MYH7B: variants seen among roughly 807,000 people sequenced by gnomAD.
The protein encoded by MYH7B is myosin heavy chain 7B.
MYH7B carries 205 observed loss-of-function variants against 234.5 expected under a neutral mutation model. The ratio of observed to expected loss-of-function variants is 0.87; its 90% CI spans 0.78 to 0.98. MYH7B has a LOEUF of 0.98. MYH7B is among the 50% of genes least tolerant of loss of function. The pLI is 0.00. For synonymous variants in MYH7B, 1,193 were observed against 1,105.0 expected, an observed-to-expected ratio of 1.08 and a Z score of -1.58; for missense variants, 2,652 against 2,633.4, an observed-to-expected ratio of 1.01 and a Z score of -0.15.
At chr20:34,963,816 A>G (rs1359136616) in intron 2 of MYH7B, among the ~76,000 whole-genome samples, 1 of 152,188 alleles carries the variant, frequency 6.6e-6, no homozygotes, top group Non-Finnish European at 1.5e-5. Context: ...TAAGCAATAT[A>G]TGACACTTTT....
intron 2 of MYH7B, among the ~76,000 whole-genome samples, chr20:34,969,840 C>T (rs541945347): frequency 2.7e-4 from 41 of 152,130 alleles, no homozygotes; most frequent in South Asian, 1.2e-3. Flanking sequence ...CCACCGTACC[C>T]GGCCACAACT....
At chr20:34,973,761 G>T (rs1435615186) in intron 2 of MYH7B, among the ~76,000 whole-genome samples, 1 of 152,076 alleles carries the variant, frequency 6.6e-6, no homozygotes, top group Non-Finnish European at 1.5e-5. Context: ...AAGTTTTTTT[G>T]ATTTTTTGTT....
intron 2 of MYH7B, among the ~76,000 whole-genome samples, chr20:34,967,435 T>C (rs1887758481): frequency 6.6e-6 from 1 of 152,030 alleles, no homozygotes; most frequent in South Asian, 2.1e-4. Context: ...ACACTCAATA[T>C]AGAGCGGTGG....
intron 4 of MYH7B, 44 bp from the exon 5 acceptor site, chr20:34,977,890 G>T: frequency 6.2e-7 from 1 of 1,610,032 alleles, no homozygotes; most frequent in South Asian, 1.1e-5. Context: ...GTGGGTTGGG[G>T]GATCGTGCCC....
intron 2 of MYH7B, among the ~76,000 whole-genome samples, chr20:34,972,279 C>T (rs918657543): frequency 2.9e-4 from 44 of 152,102 alleles, no homozygotes; most frequent in African/African-American, 1.0e-3. Context: ...ACCACTAGGA[C>T]GGCACCTTAA....
At chr20:34,997,047 A>G (rs897300955) in intron 30 of MYH7B, 36 bp from the exon 31 acceptor site, 40 of 1,419,100 alleles carry the variant, frequency 2.8e-5, no homozygotes, top group Non-Finnish European at 3.6e-5. Flanking sequence ...GGTGGGAGTT[A>G]AGGCCTGTGC....
chr20:34,987,593 G>A (rs778623297), exon 17 of MYH7B: 8 of 1,614,084 alleles, frequency 5.0e-6, no homozygotes, highest in South Asian at 1.1e-5. Flanking sequence ...GGGGTCAGCA[G>A]TGGGGACCTC....
intron 10 of MYH7B, among the ~76,000 whole-genome samples, chr20:34,983,779 C>T (rs950055449): frequency 1.3e-5 from 2 of 152,208 alleles, no homozygotes; most frequent in African/African-American, 2.4e-5. Flanking sequence ...TGCCCAATGT[C>T]CCTGTGGGTA....
At chr20:34,999,691 C>T in exon 37 of MYH7B, 3 of 1,612,558 alleles carry the variant, frequency 1.9e-6, no homozygotes, top group Non-Finnish European at 1.7e-6. Context: ...CTGGAGGAGG[C>T]AGAGGTCAGG....
At chr20:35,001,554 G>T in intron 43 of MYH7B, 28 bp downstream of exon 43, 1 of 1,571,648 alleles carries the variant, frequency 6.4e-7, no homozygotes, top group South Asian at 1.2e-5. Flanking sequence ...TGGACACCTG[G>T]ACCGGGCACC....
chr20:34,969,849 CTT>C (rs879504263), intron 2 of MYH7B, among the ~76,000 whole-genome samples: 3 of 146,490 alleles, frequency 2.0e-5, no homozygotes, highest in African/African-American at 2.5e-5. Flanking sequence ...CCGGCCACAA[CTT>C]TTTTTTTTTT....
intron 16 of MYH7B, 135 bp downstream of exon 16, chr20:34,987,422 C>T (rs2082049204): frequency 1.4e-6 from 2 of 1,417,958 alleles, no homozygotes; most frequent in Non-Finnish European, 9.7e-7. Context: ...AAACCCTTAC[C>T]CTCCTGAGGC....
At chr20:34,974,776 A>C (rs2081830853) in intron 2 of MYH7B, among the ~76,000 whole-genome samples, 1 of 152,228 alleles carries the variant, frequency 6.6e-6, no homozygotes, top group East Asian at 1.9e-4. Flanking sequence ...TAGGAGATTA[A>C]AATCCTATTA....
At chr20:34,970,715 C>T (rs1030311928) in intron 2 of MYH7B, among the ~76,000 whole-genome samples, 2 of 152,226 alleles carry the variant, frequency 1.3e-5, no homozygotes, top group African/African-American at 4.8e-5. Flanking sequence ...CAGTGAGGCC[C>T]ACTCCTGGGG....
At position 34,959,487 on chromosome 20, in the gene MYH7B, T is replaced by C. The variant is rs900781888; in HGVS notation, c.-222+1275T>C. Among the ~76,000 whole-genome samples the C allele has an allele frequency of 9.2e-5, 14 of 151,638 alleles. No individual in the cohort carries two copies. The East Asian group carries it at 1.5e-3, about 17-fold the overall frequency. Reference sequence around the variant, plus strand: ...TTATTTTTTTTCTTTCTTTCTTTTTTTTTTTTTTGAGATGGAGTCTCTCTC... The same window carrying C: ...TTATTTTTTTTCTTTCTTTCTTTTTCTTTTTTTTGAGATGGAGTCTCTCTC... On this transcript the variant is annotated intron_variant, in intron 2 of 44. Transcript: ENST00000262873.
exon 32 of MYH7B, chr20:34,997,407 C>G: frequency 6.8e-7 from 1 of 1,478,584 alleles, no homozygotes; most frequent in Non-Finnish European, 8.9e-7. Context: ...CGAGGGCTGC[C>G]GCAAGCGGGA....
intron 1 of MYH7B, among the ~76,000 whole-genome samples, chr20:34,957,104 G>A (rs2081645377): frequency 6.6e-6 from 1 of 152,196 alleles, no homozygotes; most frequent in African/African-American, 2.4e-5. Flanking sequence ...GGGTTGCTCG[G>A]CTTGTTTTAC....
In MYH7B at chr20:34,991,191, C is replaced by G. The variant is rs979024024; in HGVS notation, c.2183+70C>G. 2.9e-6 allele frequency: 3 copies of G among 1,049,712 alleles called. No individual in the cohort carries two copies. In the Admixed American group the frequency reaches 6.9e-5, roughly 24 times the overall value. The allele number at this position is 1,049,712 out of a possible 1,614,324, so 65.0% of individuals were successfully genotyped here. On this transcript the variant is annotated intron_variant, in intron 24 of 44. Coordinates refer to ENST00000262873, the Ensembl canonical transcript of MYH7B. ...GAGGGGCTGGGCAGGACACACATAT[C>G]AGAGCCCAACAGACGGTCCCCTGTC...
chr20:34,992,321 G>C (rs1444445671), intron 24 of MYH7B, among the ~76,000 whole-genome samples: 1 of 149,468 alleles, frequency 6.7e-6, no homozygotes, highest in Non-Finnish European at 1.5e-5. Flanking sequence ...GGGAGGCAGA[G>C]CTTGCAGTGA....
Sources: gnomAD v4.1 joint callset for allele counts (sites outside exome capture counted in the v4.1 genomes callset) on GRCh38, gnomAD v4.1.1 for gene constraint, MANE v1.5 for transcripts, NCBI Gene and HGNC (gene_info 2026-07-23, HGNC 2026-07-21) for gene names.